The following PXDNL variants were observed in gnomAD, a reference collection of about 807,000 sequenced individuals.
PXDNL encodes probable oxidoreductase PXDNL.
PXDNL carries 145 observed loss-of-function variants against 150.8 expected under a neutral mutation model. The ratio of observed to expected loss-of-function variants is 0.96; its 90% CI spans 0.84 to 1.10. The LOEUF (loss-of-function observed/expected upper bound fraction) is 1.10, where lower values mean the gene tolerates loss of function less well. PXDNL is among the 50% of genes least tolerant of loss of function. PXDNL has a pLI of 0.00. For synonymous variants in PXDNL, 757 were observed against 725.7 expected (o/e 1.04, Z -0.69); for missense variants, 2,087 against 1,873.9 (o/e 1.11, Z -2.10).
intron 5 of PXDNL, among the ~76,000 whole-genome samples, chr8:51,494,541 C>T (rs181431979): frequency 0.13 from 19,018 of 151,976 alleles, 1,519 homozygotes; most frequent in African/African-American, 0.21. Flanking sequence ...ACCCATCTCA[C>T]GTGCAGAGAC....
chr8:51,805,353 C>T (rs1174662600), intron 1 of PXDNL, among the ~76,000 whole-genome samples: 2 of 147,778 alleles, frequency 1.4e-5, no homozygotes, highest in African/African-American at 2.5e-5. Flanking sequence ...ATATATAAAA[C>T]TTTATATATA....
At chr8:51,657,569 A>T (rs921256994) in intron 1 of PXDNL, among the ~76,000 whole-genome samples, 21 of 152,214 alleles carry the variant, frequency 1.4e-4, no homozygotes, top group Admixed American at 1.3e-3. Flanking sequence ...ATTTACTAAC[A>T]ATATTGCAAT....
intron 17 of PXDNL, among the ~76,000 whole-genome samples, chr8:51,379,081 A>G (rs1807453489): frequency 6.6e-6 from 1 of 151,410 alleles, no homozygotes; most frequent in Admixed American, 6.6e-5. Flanking sequence ...TGTCCTTCCC[A>G]TTTTTTTGTC....
chr8:51,786,161 A>G (rs2129252437), intron 1 of PXDNL, among the ~76,000 whole-genome samples: 1 of 152,334 alleles, frequency 6.6e-6, no homozygotes, highest in African/African-American at 2.4e-5. Context: ...TCATATACTG[A>G]AAGAGGCACT....
chr8:51,551,795 C>T (rs1812492338), intron 4 of PXDNL, among the ~76,000 whole-genome samples: 1 of 152,144 alleles, frequency 6.6e-6, no homozygotes, highest in African/African-American at 2.4e-5. Flanking sequence ...AACCCAAAAG[C>T]AAATGCAACA....
chr8:51,694,543 AT>A (rs1816075636), intron 1 of PXDNL, among the ~76,000 whole-genome samples: 1 of 152,168 alleles, frequency 6.6e-6, no homozygotes, highest in Non-Finnish European at 1.5e-5. Context: ...TGATTCGTAT[AT>A]TGTCTGACAC....
chr8:51,330,508 C>T (rs568898452), intron 21 of PXDNL, among the ~76,000 whole-genome samples: 78 of 152,256 alleles, frequency 5.1e-4, no homozygotes, highest in Non-Finnish European at 8.5e-4. Flanking sequence ...CAAAATACCA[C>T]AGATTGGGTA....
intron 1 of PXDNL, among the ~76,000 whole-genome samples, chr8:51,753,044 C>T (rs1183964778): frequency 1.3e-5 from 2 of 152,192 alleles, no homozygotes; most frequent in African/African-American, 2.4e-5. Context: ...TCGTCCTGCA[C>T]ATCAGTGAAT....
At chr8:51,650,113 A>T (rs1188670589) in intron 2 of PXDNL, among the ~76,000 whole-genome samples, 1 of 151,654 alleles carries the variant, frequency 6.6e-6, no homozygotes, top group East Asian at 1.9e-4. Flanking sequence ...AAAAAAAAAA[A>T]AAAAAAAATT....
chr8:51,335,583 G>A, intron 21 of PXDNL, among the ~76,000 whole-genome samples: 1 of 151,736 alleles, frequency 6.6e-6, no homozygotes, highest in Non-Finnish European at 1.5e-5. Flanking sequence ...GTACATGCAT[G>A]CACACATTTT....
intron 19 of PXDNL, among the ~76,000 whole-genome samples, chr8:51,351,867 C>A (rs1473318176): frequency 6.6e-6 from 1 of 152,070 alleles, no homozygotes; most frequent in African/African-American, 2.4e-5. Context: ...AAAATGTTAT[C>A]TCCACAACAT....
intron 12 of PXDNL, among the ~76,000 whole-genome samples, chr8:51,428,206 T>C (rs2129775034): frequency 6.6e-6 from 1 of 152,184 alleles, no homozygotes; most frequent in African/African-American, 2.4e-5. Flanking sequence ...AATACTGAAG[T>C]ACAAAATCAA....
At chr8:51,555,965 T>C (rs2130540032) in intron 4 of PXDNL, among the ~76,000 whole-genome samples, 1 of 152,184 alleles carries the variant, frequency 6.6e-6, no homozygotes, top group East Asian at 1.9e-4. Flanking sequence ...AGCGGTCAGT[T>C]TGAGTTGTAA....
chr8:51,753,902 C>G (rs16916778), intron 1 of PXDNL, among the ~76,000 whole-genome samples: 3,921 of 152,290 alleles, frequency 0.026, 165 homozygotes, highest in African/African-American at 0.089. Flanking sequence ...ATTCCTTTGT[C>G]TGATTTGATG....
chr8:51,688,125 T>G (rs1385325040), intron 1 of PXDNL, among the ~76,000 whole-genome samples: 1 of 152,066 alleles, frequency 6.6e-6, no homozygotes, highest in African/African-American at 2.4e-5. Context: ...CAGTAAACAT[T>G]TTTTCCTTAC....
At chr8:51,543,202 C>A (rs1352078914) in intron 4 of PXDNL, among the ~76,000 whole-genome samples, 1 of 152,150 alleles carries the variant, frequency 6.6e-6, no homozygotes, top group Admixed American at 6.5e-5. Flanking sequence ...AACTTTCACT[C>A]AGTTCAAACT....
intron 1 of PXDNL, among the ~76,000 whole-genome samples, chr8:51,667,945 T>C (rs1311758206): frequency 1.3e-5 from 2 of 152,144 alleles, no homozygotes; most frequent in African/African-American, 4.8e-5. Context: ...TCATTCTGTG[T>C]GAAATGTCAG....
chr8:51,562,411 C>T (rs961787733), intron 3 of PXDNL, among the ~76,000 whole-genome samples: 2 of 151,860 alleles, frequency 1.3e-5, no homozygotes, highest in Admixed American at 6.6e-5. Flanking sequence ...AAATTTATAG[C>T]CCCAATAATA....
chr8:51,598,824 T>C (rs952739342), intron 2 of PXDNL, among the ~76,000 whole-genome samples: 12 of 152,138 alleles, frequency 7.9e-5, no homozygotes, highest in Admixed American at 6.6e-4. Context: ...GTCAACTCTT[T>C]TCTGTACATC....
Sources: allele counts gnomAD v4.1 joint callset (sites outside exome capture counted in the v4.1 genomes callset), GRCh38; gene constraint gnomAD v4.1.1; transcripts MANE v1.5; gene names NCBI Gene and HGNC (gene_info 2026-07-23, HGNC 2026-07-21).